The following MAML2 variants were observed in gnomAD, a reference collection of about 807,000 sequenced individuals.
MAML2 encodes mastermind like transcriptional coactivator 2.
In MAML2, 22 loss-of-function variants were observed where a neutral mutation model predicts 96.1. The ratio of observed to expected loss-of-function variants is 0.23; its 90% CI spans 0.16 to 0.33. The LOEUF is 0.33. MAML2 is among the 10% of genes least tolerant of loss of function. The probability of loss-of-function intolerance (pLI) is 1.00; values close to 1 mark genes in which losing one functional copy is unlikely to be tolerated. For synonymous variants in MAML2, 561 were observed against 521.3 expected (o/e 1.08, Z -1.04); for missense variants, 1,367 against 1,392.4 (o/e 0.98, Z 0.29).
intron 1 of MAML2, among the ~76,000 whole-genome samples, chr11:96,337,390 T>C (rs936435507): frequency 1.2e-4 from 18 of 152,224 alleles, no homozygotes; most frequent in Non-Finnish European, 2.2e-4. Flanking sequence ...ATTTAACTTG[T>C]TTGACTTTCT....
intron 1 of MAML2, among the ~76,000 whole-genome samples, chr11:96,283,723 T>G (rs889409408): frequency 6.6e-6 from 1 of 152,212 alleles, no homozygotes. Context: ...TCATTCCTCA[T>G]TGAGCTATTA....
intron 1 of MAML2, among the ~76,000 whole-genome samples, chr11:96,159,224 T>G (rs922166340): frequency 6.6e-6 from 1 of 152,116 alleles, no homozygotes; most frequent in Non-Finnish European, 1.5e-5. Context: ...GTAATCTTTC[T>G]AAAATGTAAA....
intron 2 of MAML2, among the ~76,000 whole-genome samples, chr11:96,022,315 A>G (rs1264060333): frequency 1.3e-5 from 2 of 152,158 alleles, no homozygotes; most frequent in African/African-American, 2.4e-5. Context: ...TAATCAGGAA[A>G]TTTTGTCCCA....
At chr11:96,155,506 TC>T (rs1457421761) in intron 1 of MAML2, among the ~76,000 whole-genome samples, 1 of 35,452 alleles carries the variant, frequency 2.8e-5, no homozygotes, top group Non-Finnish European at 5.6e-5. Flanking sequence ...CTGTAACAAT[TC>T]AAATATATAT....
At chr11:96,012,955 C>T (rs2135729302) in intron 2 of MAML2, among the ~76,000 whole-genome samples, 1 of 152,298 alleles carries the variant, frequency 6.6e-6, no homozygotes. Flanking sequence ...TTTTTATGAC[C>T]TGTCTGGGCA....
At chr11:96,122,963 T>C (rs994975915) in intron 1 of MAML2, among the ~76,000 whole-genome samples, 1 of 152,234 alleles carries the variant, frequency 6.6e-6, no homozygotes, top group Non-Finnish European at 1.5e-5. Context: ...GTGATGTCAT[T>C]CCCTTTCAGG....
At chr11:96,007,125 C>T (rs2135724048) in intron 2 of MAML2, among the ~76,000 whole-genome samples, 1 of 151,900 alleles carries the variant, frequency 6.6e-6, no homozygotes, top group Middle Eastern at 3.4e-3. Context: ...GCCTCAGCCT[C>T]CAGAGTAGCT....
intron 1 of MAML2, among the ~76,000 whole-genome samples, chr11:96,126,281 G>A (rs894236154): frequency 3.3e-5 from 5 of 152,270 alleles, no homozygotes; most frequent in East Asian, 1.9e-4. Context: ...AGAGAGGCCC[G>A]GTTTGGTGGC....
intron 2 of MAML2, among the ~76,000 whole-genome samples, chr11:96,081,514 T>G (rs556787138): frequency 6.7e-6 from 1 of 150,318 alleles, no homozygotes; most frequent in African/African-American, 2.4e-5. Context: ...TTCATATATT[T>G]AAAAAAAAAA....
chr11:96,184,727 C>T (rs898104592), intron 1 of MAML2, among the ~76,000 whole-genome samples: 1 of 151,174 alleles, frequency 6.6e-6, no homozygotes, highest in Middle Eastern at 3.2e-3. Flanking sequence ...GGAGCTGGGA[C>T]TACAGGCGCC....
chr11:96,143,853 C>A (rs371837364), intron 1 of MAML2, among the ~76,000 whole-genome samples: 3 of 152,200 alleles, frequency 2.0e-5, no homozygotes, highest in African/African-American at 7.2e-5. Flanking sequence ...GTGCCGCGAA[C>A]CTTGCTCTCT....
chr11:96,255,293 C>T (rs1185655323), intron 1 of MAML2, among the ~76,000 whole-genome samples: 2 of 152,246 alleles, frequency 1.3e-5, no homozygotes, highest in African/African-American at 4.8e-5. Flanking sequence ...TGTTAGAGCT[C>T]ATATTGATTG....
intron 2 of MAML2, among the ~76,000 whole-genome samples, chr11:96,075,890 A>G (rs1859426779): frequency 6.6e-6 from 1 of 152,190 alleles, no homozygotes; most frequent in South Asian, 2.1e-4. Context: ...TTGCATATTG[A>G]TTGTATGCTA....
chr11:96,260,071 C>T (rs768310449), intron 1 of MAML2, among the ~76,000 whole-genome samples: 17 of 151,948 alleles, frequency 1.1e-4, no homozygotes, highest in African/African-American at 2.7e-4. Flanking sequence ...TTATAATCCT[C>T]GGAACACCTG....
At chr11:96,258,155 T>G (rs919785218) in intron 1 of MAML2, among the ~76,000 whole-genome samples, 1 of 152,182 alleles carries the variant, frequency 6.6e-6, no homozygotes, top group African/African-American at 2.4e-5. Context: ...ACAACAACCA[T>G]GGAGGATGAA....
At chr11:96,115,549 T>C (rs1860221232) in intron 1 of MAML2, among the ~76,000 whole-genome samples, 3 of 151,922 alleles carry the variant, frequency 2.0e-5, no homozygotes, top group Admixed American at 2.0e-4. Flanking sequence ...CTGACCAATA[T>C]GTGTCTCATC....
At chr11:96,206,282 GT>G (rs1861894607) in intron 1 of MAML2, among the ~76,000 whole-genome samples, 1 of 152,194 alleles carries the variant, frequency 6.6e-6, no homozygotes, top group South Asian at 2.1e-4. Flanking sequence ...GCTGAAAAGT[GT>G]TTATAATTGC....
At chr11:96,186,014 C>G (rs1461410014) in intron 1 of MAML2, among the ~76,000 whole-genome samples, 2 of 152,164 alleles carry the variant, frequency 1.3e-5, no homozygotes, top group Non-Finnish European at 2.9e-5. Context: ...TGCATTTTAA[C>G]GAGACCTAGG....
At chr11:96,050,372 T>C (rs952581781) in intron 2 of MAML2, among the ~76,000 whole-genome samples, 2 of 152,220 alleles carry the variant, frequency 1.3e-5, no homozygotes, top group South Asian at 2.1e-4. Context: ...GCCATGCCTG[T>C]ATTATTCCAC....
Sources: gnomAD v4.1 joint callset for allele counts (sites outside exome capture counted in the v4.1 genomes callset) on GRCh38, gnomAD v4.1.1 for gene constraint, MANE v1.5 for transcripts, NCBI Gene and HGNC (gene_info 2026-07-23, HGNC 2026-07-21) for gene names.